Variants in HTT observed in about 807,000 individuals in gnomAD.
HTT encodes the protein huntington disease protein.
HTT carries 104 observed loss-of-function variants against 362.3 expected under a neutral mutation model. That is an observed-to-expected ratio of 0.29 (90% CI 0.24 to 0.34). The LOEUF is 0.34. Among genes scored for constraint, HTT ranks in the 10% least tolerant of loss-of-function variants. The pLI, the probability that HTT is intolerant of heterozygous loss-of-function variation, is 1.00. For missense variants in HTT, 3,301 were observed against 3,928.6 expected (o/e 0.84, Z 4.27); for synonymous variants, 1,577 against 1,548.7 (o/e 1.02, Z -0.43).
intron 3 of HTT, among the ~76,000 whole-genome samples, chr4:3,100,789 C>T (rs1714114819): frequency 6.6e-6 from 1 of 152,216 alleles, no homozygotes; most frequent in Admixed American, 6.5e-5. Context: ...AGTGCAGTGG[C>T]TGATCACGGC....
At position 3,182,350 on chromosome 4, in the gene HTT, A is replaced by G. The variant is rs2110242416; in HGVS notation, c.4750-4A>G. On this transcript the variant is annotated splice_polypyrimidine_tract_variant and splice_region_variant and intron_variant, in intron 36 of 66. Transcript: ENST00000355072. ...AGACTTTCTAATTGTGCACGCTCTT[A>G]TAGGTGTTGGAGATGTTCATTCTTG... The G allele has an allele frequency of 6.3e-7, 1 of 1,596,422 alleles. No homozygotes were observed. The highest frequency in any genetic ancestry group is 1.7e-4 in the Middle Eastern group (1 of 6,042).
chr4:3,145,094 A>G (rs1474342688), intron 23 of HTT, 58 bp from the exon 24 acceptor site: 10 of 1,220,484 alleles, frequency 8.2e-6, no homozygotes, highest in Non-Finnish European at 4.9e-6. Flanking sequence ...AACAGGAGAT[A>G]TAATTCAATA....
chr4:3,104,739 G>A (rs1714339995), intron 4 of HTT, among the ~76,000 whole-genome samples: 4 of 151,998 alleles, frequency 2.6e-5, no homozygotes, highest in Non-Finnish European at 4.4e-5. Context: ...ATGGCAAAAC[G>A]CTGTCTGTAC....
chr4:3,087,929 C>T (rs1713299467), intron 2 of HTT, among the ~76,000 whole-genome samples: 1 of 152,092 alleles, frequency 6.6e-6, no homozygotes, highest in Non-Finnish European at 1.5e-5. Context: ...CGGCTCACTG[C>T]AACCTCTGCC....
At position 3,209,858 on chromosome 4, in the gene HTT, G is replaced by T. The variant is rs1409199183; in HGVS notation, c.6323G>T (p.Cys2108Phe). ...TACGTTCATCTTGTCAAATCCCAGT[G>T]TTGGACCAGGTCAGATTCTGCACTG... ...DWYVHLVKSQ[C>F]WTRSDSALLE... is the part of the protein sequence containing the mutation. Residue 2108 changes from cysteine (C) to phenylalanine (F), a missense_variant, in exon 47 of 67, where the codon TGT becomes TTT. Physicochemically the swap from Cys to Phe is radical, Grantham distance 205. Coordinates refer to ENST00000355072, the MANE Select transcript of HTT (RefSeq NM_001388492.1). 1.2e-6 allele frequency: 2 copies of T among 1,614,144 alleles called. No homozygotes were observed. Among genetic ancestry groups the T allele is most frequent in the Admixed American group, 3.3e-5 (2 of 60,036 alleles).
intron 10 of HTT, among the ~76,000 whole-genome samples, chr4:3,123,671 C>G (rs1715397673): frequency 6.6e-6 from 1 of 151,846 alleles, no homozygotes; most frequent in African/African-American, 2.4e-5. Context: ...GCCTAGGCAA[C>G]AGAATGAGAC....
rs891234197 is a variant in HTT, at chr4:3,218,286, G to A, written c.7242+334G>A. ...CGAGTGAGTGAGATTTTCCTTTGGA[G>A]ATAATTCATGTTTTTCTACACAGTT... On this transcript the variant is annotated intron_variant, in intron 52 of 66. Coordinates refer to ENST00000355072, the MANE Select transcript of HTT (RefSeq NM_001388492.1). The surrounding 1 kb of genome is among the most constrained non-coding windows in gnomAD (Gnocchi z 4.4). Among the ~76,000 whole-genome samples, 4 of 152,218 alleles carry A rather than the reference G, an allele frequency of 2.6e-5. No homozygotes were observed. The highest frequency in any genetic ancestry group is 7.2e-5 in the African/African-American group (3 of 41,462).
chr4:3,132,014 T>C (rs189700269), intron 16 of HTT, among the ~76,000 whole-genome samples: 2 of 152,310 alleles, frequency 1.3e-5, no homozygotes, highest in East Asian at 3.9e-4. Flanking sequence ...AGCCAACATA[T>C]ATACACATCG....
chr4:3,140,667 C>T lies in HTT; in HGVS notation c.2945+11C>T, dbSNP rs1560565964. On this transcript the variant is annotated intron_variant, in intron 22 of 66. Coordinates refer to ENST00000355072, the MANE Select transcript of HTT (RefSeq NM_001388492.1). Reference sequence around the variant, plus strand: ...CAGCACAATAACCAGGTATGCTGACCCAGTGGCATCTTCACATTGTCGGGA... The same window carrying T: ...CAGCACAATAACCAGGTATGCTGACTCAGTGGCATCTTCACATTGTCGGGA... The T allele has an allele frequency of 1.9e-6, 3 of 1,609,828 alleles. No homozygotes were observed. The South Asian group carries it at 3.3e-5, about 18-fold the overall frequency.
intron 33 of HTT, among the ~76,000 whole-genome samples, chr4:3,176,179 C>T (rs900333371): frequency 6.6e-6 from 1 of 152,052 alleles, no homozygotes; most frequent in Non-Finnish European, 1.5e-5. Context: ...AGGCACCCAC[C>T]ACTACGCCAG....
chr4:3,189,946 G>T (rs1261246163), intron 40 of HTT, among the ~76,000 whole-genome samples: 1 of 152,018 alleles, frequency 6.6e-6, no homozygotes, highest in Non-Finnish European at 1.5e-5. Context: ...AGCCCAGGAG[G>T]TTAAGTCTCT....
chr4:3,215,161 C>A lies in HTT; in HGVS notation c.7004C>A (p.Thr2335Asn). 1 of 1,614,120 alleles carries A rather than the reference C, an allele frequency of 6.2e-7. No individual in the cohort carries two copies. Among genetic ancestry groups the A allele is most frequent in the Non-Finnish European group, 8.5e-7 (1 of 1,179,986 alleles). Residue 2335 changes from threonine (T) to asparagine (N), a missense_variant, in exon 51 of 67, where the codon ACC becomes AAC. Physicochemically the swap from Thr to Asn is moderately conservative, Grantham distance 65. Transcript: ENST00000355072. ...QLLSPERRTN[T>N]PKAISEEEEE... The stretch of plus-strand genomic sequence containing the variant: ...CTTAGTCCAGAAAGAAGGACAAATA[C>A]CCCAAAAGCCATCAGCGAGGAGGAG...
chr4:3,186,563 T>G, intron 37 of HTT, 34 bp from the exon 38 acceptor site: 1 of 1,605,682 alleles, frequency 6.2e-7, no homozygotes, highest in Non-Finnish European at 8.5e-7. Context: ...TCTTTTGGCT[T>G]ACGTAGAAAT....
At position 3,241,300 on chromosome 4, in the gene HTT, A is replaced by C. The variant is rs1397918360; in HGVS notation, c.*1241A>C. 1 of 152,382 alleles carries C rather than the reference A, an allele frequency of 6.6e-6. No individual in the cohort carries two copies. Among genetic ancestry groups the C allele is most frequent in the Non-Finnish European group, 1.5e-5 (1 of 68,130 alleles). 9.4% of individuals were successfully genotyped at this position (152,382 alleles called of 1,614,324 possible). A position where few individuals can be genotyped will look rare whatever the true frequency, so the allele number is the denominator to read the frequency against. On this transcript the variant is annotated 3_prime_UTR_variant, in exon 67 of 67. Coordinates refer to ENST00000355072, the MANE Select transcript of HTT (RefSeq NM_001388492.1). ...TGCACGGTGACCCCTTTTAGTCAGGAGAGTGCAGATCTGTGCTCATCGGAG... is the reference window on the plus strand; with the variant it reads ...TGCACGGTGACCCCTTTTAGTCAGGCGAGTGCAGATCTGTGCTCATCGGAG...
rs752359382 is a variant in HTT at position 3,074,943 on chromosome 4, C to CAA, written c.118_119insAA (p.Pro40GlnfsTer62). 7 of 1,485,168 alleles carry CAA rather than the reference C, an allele frequency of 4.7e-6. No homozygotes were observed. The highest frequency in any genetic ancestry group is 4.5e-5 in the African/African-American group (3 of 67,114). 92.0% of individuals were successfully genotyped at this position (1,485,168 alleles called of 1,614,324 possible). ...GCAGCAGCAGCAGCAGCAACAGCCGCCACCGCCGCCGCCGCCGCCGCCGCC... is the reference window on the plus strand; with the variant it reads ...GCAGCAGCAGCAGCAGCAACAGCCGCAACACCGCCGCCGCCGCCGCCGCCGCC... On this transcript the variant is annotated frameshift_variant, in exon 1 of 67. Transcript: ENST00000355072. LOFTEE classifies it high-confidence loss of function.
At chr4:3,193,438 G>A (rs1394237418) in intron 40 of HTT, among the ~76,000 whole-genome samples, 1 of 152,214 alleles carries the variant, frequency 6.6e-6, no homozygotes, top group African/African-American at 2.4e-5. Context: ...TGGATTTGAT[G>A]CCAGGAGGAG....
In HTT at chr4:3,130,069, C is replaced by T. The variant is rs758409589; in HGVS notation, c.1867+22C>T. ...ATGGGTATGTGGACTACAGGTGATG[C>T]GCTACAAAGTGGTTTGTATTCAGAC... On this transcript the variant is annotated intron_variant, in intron 13 of 66. Coordinates refer to ENST00000355072, the MANE Select transcript of HTT (RefSeq NM_001388492.1). 3.3e-5 allele frequency: 52 copies of T among 1,571,688 alleles called. No homozygotes were observed. In the Admixed American group the frequency reaches 4.5e-4, roughly 14 times the overall value.
chr4:3,204,003 C>G lies in HTT; in HGVS notation c.5577-4C>G. 6.2e-7 allele frequency: 1 copy of G among 1,614,068 alleles called. No individual in the cohort carries two copies. Among genetic ancestry groups the G allele is most frequent in the Non-Finnish European group, 8.5e-7 (1 of 1,179,910 alleles). ...ATTGTCAATGCATCTGTTGCTCCTT[C>G]TAGAAGACACAGTCTGTCCAGCACA... On this transcript the variant is annotated splice_polypyrimidine_tract_variant and splice_region_variant and intron_variant, in intron 41 of 66. Coordinates refer to ENST00000355072, the MANE Select transcript of HTT (RefSeq NM_001388492.1).
chr4:3,211,333 G>A (rs996476784), intron 47 of HTT, among the ~76,000 whole-genome samples: 1 of 152,238 alleles, frequency 6.6e-6, no homozygotes, highest in African/African-American at 2.4e-5. Context: ...AGTTCTGACT[G>A]TAAAAGAAAG....
Sources: allele counts gnomAD v4.1 joint callset (sites outside exome capture counted in the v4.1 genomes callset), GRCh38; gene constraint gnomAD v4.1.1; non-coding constraint Gnocchi (gnomAD v3.1); transcripts MANE v1.5; gene names NCBI Gene and HGNC (gene_info 2026-07-23, HGNC 2026-07-21).